PLCE1: variants seen among roughly 807,000 people sequenced by gnomAD.
The protein encoded by PLCE1 is phospholipase C epsilon 1.
In PLCE1, 119 loss-of-function variants were observed where a neutral mutation model predicts 242.8. That is an observed-to-expected ratio of 0.49 (90% CI 0.42 to 0.57). PLCE1 has a LOEUF of 0.57. PLCE1 is among the 20% of genes least tolerant of loss of function. PLCE1 has a pLI of 0.00. For synonymous variants in PLCE1, 945 were observed against 1,017.4 expected, an observed-to-expected ratio of 0.93 and a Z score of 1.35; for missense variants, 2,441 against 2,788.8, an observed-to-expected ratio of 0.88 and a Z score of 2.81.
chr10:94,234,610 T>A (rs2050255248), intron 6 of PLCE1, among the ~76,000 whole-genome samples: 1 of 152,190 alleles, frequency 6.6e-6, no homozygotes, highest in Non-Finnish European at 1.5e-5. Flanking sequence ...TTTTTCTTAT[T>A]GGGTGGGAAT....
At chr10:94,126,376 G>A (rs979869951) in intron 2 of PLCE1, among the ~76,000 whole-genome samples, 6 of 152,144 alleles carry the variant, frequency 3.9e-5, no homozygotes, top group Non-Finnish European at 8.8e-5. Flanking sequence ...AATGACTTCA[G>A]CAAGTCCTGT....
chr10:94,243,583 T>C (rs937182789), intron 7 of PLCE1, among the ~76,000 whole-genome samples: 4 of 152,188 alleles, frequency 2.6e-5, no homozygotes, highest in Non-Finnish European at 2.9e-5. Flanking sequence ...TTTCTATAAA[T>C]CTAAAACTAT....
At chr10:94,083,362 TGTCG>T (rs1322090168) in intron 2 of PLCE1, among the ~76,000 whole-genome samples, 1 of 152,178 alleles carries the variant, frequency 6.6e-6, no homozygotes, top group East Asian at 1.9e-4. Flanking sequence ...TGTATAAAGG[TGTCG>T]GTCGTTTTCA....
intron 4 of PLCE1, among the ~76,000 whole-genome samples, chr10:94,220,193 T>TACACACACACATACAC (rs1554886978): frequency 2.0e-5 from 3 of 148,870 alleles, no homozygotes; most frequent in Non-Finnish European, 4.5e-5. Flanking sequence ...CATACATACA[T>TACACACACACATACAC]ACACACACAC....
intron 1 of PLCE1, among the ~76,000 whole-genome samples, chr10:94,029,986 C>A (rs1326947393): frequency 6.6e-6 from 1 of 152,168 alleles, no homozygotes; most frequent in Non-Finnish European, 1.5e-5. Flanking sequence ...AACAGAGTTA[C>A]AAGCAGTGCA....
chr10:94,164,317 A>C (rs2047719270), intron 3 of PLCE1, among the ~76,000 whole-genome samples: 1 of 152,166 alleles, frequency 6.6e-6, no homozygotes, highest in African/African-American at 2.4e-5. Flanking sequence ...GTCTTTTCAC[A>C]TAGTCCCATA....
At chr10:94,256,167 A>G (rs2051088796) in intron 11 of PLCE1, among the ~76,000 whole-genome samples, 1 of 151,666 alleles carries the variant, frequency 6.6e-6, no homozygotes, top group Non-Finnish European at 1.5e-5. Context: ...TACAAAAAGT[A>G]AAACAATTAG....
At chr10:94,082,819 A>C (rs900653735) in intron 2 of PLCE1, among the ~76,000 whole-genome samples, 1 of 152,236 alleles carries the variant, frequency 6.6e-6, no homozygotes, top group African/African-American at 2.4e-5. Flanking sequence ...AATAATTAGG[A>C]GTAAATTTAT....
At chr10:94,301,963 A>G (rs1379268299) in intron 24 of PLCE1, among the ~76,000 whole-genome samples, 1 of 152,212 alleles carries the variant, frequency 6.6e-6, no homozygotes, top group African/African-American at 2.4e-5. Flanking sequence ...CATAATGCAG[A>G]GTATTTTAAT....
At chr10:94,023,941 G>A (rs1326806128) in intron 1 of PLCE1, among the ~76,000 whole-genome samples, 1 of 152,036 alleles carries the variant, frequency 6.6e-6, no homozygotes, top group Non-Finnish European at 1.5e-5. Flanking sequence ...GTGCCTTTAG[G>A]GAATGTTTTA....
At chr10:94,067,057 T>A (rs758356638) in intron 2 of PLCE1, among the ~76,000 whole-genome samples, 27 of 152,214 alleles carry the variant, frequency 1.8e-4, no homozygotes, top group Non-Finnish European at 2.9e-4. Flanking sequence ...AAGGAAAAGG[T>A]GTCCCTTGGC....
chr10:94,295,466 C>G (rs940702408), intron 23 of PLCE1, among the ~76,000 whole-genome samples: 2 of 152,152 alleles, frequency 1.3e-5, no homozygotes, highest in African/African-American at 4.8e-5. Context: ...TTCTAGTTCT[C>G]TTGCTGTTTC....
intron 2 of PLCE1, among the ~76,000 whole-genome samples, chr10:94,087,059 A>G (rs1021984567): frequency 4.6e-5 from 7 of 152,064 alleles, no homozygotes; most frequent in African/African-American, 1.7e-4. Flanking sequence ...ATTTAAAATC[A>G]TTTGCTGGCC....
At chr10:94,180,430 CCAGG>C (rs2048276867) in intron 4 of PLCE1, among the ~76,000 whole-genome samples, 1 of 152,120 alleles carries the variant, frequency 6.6e-6, no homozygotes, top group South Asian at 2.1e-4. Flanking sequence ...TTCCACAGCA[CCAGG>C]CAGAAGGCAG....
intron 17 of PLCE1, among the ~76,000 whole-genome samples, chr10:94,269,880 C>G (rs2051663672): frequency 1.3e-5 from 2 of 152,174 alleles, no homozygotes; most frequent in South Asian, 4.1e-4. Flanking sequence ...TACCTTCATT[C>G]AGAGGGTCTT....
chr10:94,263,969 T>G (rs1325498112), intron 14 of PLCE1, among the ~76,000 whole-genome samples: 1 of 152,168 alleles, frequency 6.6e-6, no homozygotes, highest in African/African-American at 2.4e-5. Flanking sequence ...TCATTAGTCA[T>G]TAAATGAACA....
chr10:94,125,099 A>C (rs1425695290), intron 2 of PLCE1, among the ~76,000 whole-genome samples: 1 of 152,214 alleles, frequency 6.6e-6, no homozygotes, highest in East Asian at 1.9e-4. Flanking sequence ...AAATTCACTT[A>C]TTCAATCAAG....
At chr10:94,231,510 C>G (rs2050141927) in intron 5 of PLCE1, among the ~76,000 whole-genome samples, 1 of 152,036 alleles carries the variant, frequency 6.6e-6, no homozygotes. Flanking sequence ...CTGTAGTTTT[C>G]CAGTCACTTT....
At chr10:94,110,056 T>C (rs918826110) in intron 2 of PLCE1, among the ~76,000 whole-genome samples, 6 of 91,290 alleles carry the variant, frequency 6.6e-5, no homozygotes, top group Non-Finnish European at 1.1e-4. Context: ...TTTTTCTTTT[T>C]TCTTTTTTTT....
Sources: allele counts gnomAD v4.1 joint callset (sites outside exome capture counted in the v4.1 genomes callset), GRCh38; gene constraint gnomAD v4.1.1; transcripts MANE v1.5; gene names NCBI Gene and HGNC (gene_info 2026-07-23, HGNC 2026-07-21).